Variants in NELL1 observed in about 807,000 individuals in gnomAD.
NELL1 encodes the protein protein kinase C-binding protein NELL1.
NELL1 carries 76 observed loss-of-function variants against 107.4 expected under a neutral mutation model. The observed-to-expected ratio is 0.71, with a 90% CI of 0.59 to 0.86. The LOEUF is 0.86. Among genes scored for constraint, NELL1 ranks in the 40% least tolerant of loss-of-function variants. NELL1 has a pLI of 0.00. For missense variants in NELL1, 1,024 were observed against 1,005.5 expected (o/e 1.02, Z -0.25); for synonymous variants, 353 against 341.2 (o/e 1.03, Z -0.38).
rs556827261 is a variant in NELL1 at position 20,794,065 on chromosome 11, T to C, written c.335+10235T>C. Among the ~76,000 whole-genome samples the C allele has an allele frequency of 6.8e-4, 103 of 152,358 alleles. No homozygotes were observed. The South Asian group carries it at 0.021, about 31-fold the overall frequency. ...GAGAGAAGTAGGTTAATGGCTCCTA[T>C]TGTAATTATGTAAGCATCGTAGGTA... On this transcript the variant is annotated intron_variant, in intron 3 of 19. Transcript: ENST00000357134.
rs59249772 is a variant in NELL1 at position 20,862,838 on chromosome 11, C to T, written c.506+15085C>T. On this transcript the variant is annotated intron_variant, in intron 4 of 19. Coordinates refer to ENST00000357134, the MANE Select transcript of NELL1 (RefSeq NM_006157.5). ...AGCATGCTGCCTTCAAGCATCTGTT[C>T]AACAAAGCACATCTTGCACCGCCCT... 2.3e-3 allele frequency among the ~76,000 whole-genome samples: 356 copies of T among 152,136 alleles called. 1 individual carries two copies. Among genetic ancestry groups the T allele is most frequent in the African/African-American group, 7.7e-3 (318 of 41,504 alleles).
At chr11:21,171,233 T>A (rs1856600366) in intron 13 of NELL1, among the ~76,000 whole-genome samples, 1 of 151,786 alleles carries the variant, frequency 6.6e-6, no homozygotes, top group Non-Finnish European at 1.5e-5. Context: ...AGCCCCATTG[T>A]TTTAGATATT....
chr11:21,551,850 C>A (rs557413875), intron 16 of NELL1, among the ~76,000 whole-genome samples: 15 of 150,604 alleles, frequency 1.0e-4, no homozygotes, highest in African/African-American at 3.4e-4. Context: ...ATGTTTATTG[C>A]GGCACTATTC....
At chr11:20,678,197 T>C in intron 2 of NELL1, 137 bp downstream of exon 2, 1 of 940,914 alleles carries the variant, frequency 1.1e-6, no homozygotes, top group Non-Finnish European at 1.7e-6. Flanking sequence ...TGTTTAGATA[T>C]GCAGGGGGTA....
chr11:20,872,491 T>A (rs1434463357), intron 4 of NELL1, among the ~76,000 whole-genome samples: 1 of 152,138 alleles, frequency 6.6e-6, no homozygotes, highest in Non-Finnish European at 1.5e-5. Context: ...CTGGCACCTA[T>A]AAGTCTGATT....
In NELL1 at chr11:20,921,690, G is replaced by A. The variant is rs1297736749; in HGVS notation, c.759+2356G>A. Among the ~76,000 whole-genome samples the A allele has an allele frequency of 4.0e-5, 6 of 151,800 alleles. No homozygotes were observed. The East Asian group carries it at 1.2e-3, about 29-fold the overall frequency. On this transcript the variant is annotated intron_variant, in intron 7 of 19. Transcript: ENST00000357134. ...GATCATTTTATTGAGCTGAACTAAA[G>A]TTTTCAGATCATACCTGTTTGGAAT... is the stretch of plus-strand genomic sequence containing the variant.
rs138993083 is a variant in NELL1 at position 21,463,199 on chromosome 11, C to T, written c.1646-71175C>T. On this transcript the variant is annotated intron_variant, in intron 15 of 19. Coordinates refer to ENST00000357134, the MANE Select transcript of NELL1 (RefSeq NM_006157.5). Reference sequence around the variant, plus strand: ...AAAAGAGGAAAATCTGTTCTCTTGTCTGGGTGATTGTTGGCTCCCACCTCC... The same window carrying T: ...AAAAGAGGAAAATCTGTTCTCTTGTTTGGGTGATTGTTGGCTCCCACCTCC... Among the ~76,000 whole-genome samples, 147 of 152,132 alleles carry T rather than the reference C, an allele frequency of 9.7e-4. 1 individual carries two copies. The East Asian group carries it at 0.028, about 29-fold the overall frequency.
chr11:21,147,834 C>T (rs562675734), intron 13 of NELL1, among the ~76,000 whole-genome samples: 1,040 of 34,046 alleles, frequency 0.031, 14 homozygotes, highest in African/African-American at 0.092. Context: ...GAAACTCCGT[C>T]TCAAAAAAAA....
At chr11:21,425,840 TA>T (rs1852807552) in intron 15 of NELL1, among the ~76,000 whole-genome samples, 1 of 152,194 alleles carries the variant, frequency 6.6e-6, no homozygotes, top group East Asian at 1.9e-4. Flanking sequence ...GCAGAGAATT[TA>T]AAAAGAAGTA....
At chr11:20,787,786 C>T (rs1449271408) in intron 3 of NELL1, among the ~76,000 whole-genome samples, 3 of 152,126 alleles carry the variant, frequency 2.0e-5, no homozygotes, top group Non-Finnish European at 2.9e-5. Flanking sequence ...ATTGTGCATT[C>T]ATCACCACAA....
chr11:21,523,006 G>A lies in NELL1; in HGVS notation c.1646-11368G>A, dbSNP rs373588519. On this transcript the variant is annotated intron_variant, in intron 15 of 19. Coordinates refer to ENST00000357134, the MANE Select transcript of NELL1 (RefSeq NM_006157.5). The stretch of plus-strand genomic sequence containing the variant: ...ACTACAGGCGCCCACCACCACGCCC[G>A]GCTGATTTTTTTGTATATTTTTAGT... 3.0e-4 allele frequency among the ~76,000 whole-genome samples: 46 copies of A among 150,956 alleles called. No homozygotes were observed. The South Asian group carries it at 6.3e-3, about 21-fold the overall frequency.
chr11:20,922,419 C>A (rs1590418901), intron 7 of NELL1, among the ~76,000 whole-genome samples: 1 of 151,790 alleles, frequency 6.6e-6, no homozygotes, highest in East Asian at 1.9e-4. Context: ...TGAAGTCCTT[C>A]AGGGTATGTA....
intron 14 of NELL1, among the ~76,000 whole-genome samples, chr11:21,244,511 A>T (rs1242421383): frequency 2.0e-5 from 3 of 152,184 alleles, no homozygotes; most frequent in Non-Finnish European, 4.4e-5. Context: ...ATAATTTAGA[A>T]TTTGGAATAA....
At chr11:20,752,167 C>CATT (rs35423828) in intron 2 of NELL1, among the ~76,000 whole-genome samples, 114,552 of 151,892 alleles carry the variant, frequency 0.75, 44,227 homozygotes, top group Middle Eastern at 0.9. Flanking sequence ...AATATTTCAT[C>CATT]AAGTCTGATG....
At chr11:20,697,167 A>G (rs1186446553) in intron 2 of NELL1, among the ~76,000 whole-genome samples, 1 of 152,168 alleles carries the variant, frequency 6.6e-6, no homozygotes, top group African/African-American at 2.4e-5. Flanking sequence ...TGGCACAGAT[A>G]TTTAAGTTGA....
chr11:21,052,121 T>G (rs1225622107), intron 12 of NELL1, among the ~76,000 whole-genome samples: 1 of 151,876 alleles, frequency 6.6e-6, no homozygotes. Flanking sequence ...TGTTTCAGGC[T>G]GAAGAAATAG....
At chr11:21,531,885 C>G (rs576081250) in intron 15 of NELL1, among the ~76,000 whole-genome samples, 1 of 152,210 alleles carries the variant, frequency 6.6e-6, no homozygotes, top group South Asian at 2.1e-4. Flanking sequence ...TGCTGAAAAG[C>G]CTCCAAGTGT....
At chr11:20,750,560 G>A (rs935235123) in intron 2 of NELL1, among the ~76,000 whole-genome samples, 20 of 76,512 alleles carry the variant, frequency 2.6e-4, no homozygotes, top group Admixed American at 6.3e-4. Context: ...AATGTACCTC[G>A]GAATTATTAT....
At chr11:21,458,586 A>G (rs992573837) in intron 15 of NELL1, among the ~76,000 whole-genome samples, 2 of 152,148 alleles carry the variant, frequency 1.3e-5, no homozygotes, top group African/African-American at 4.8e-5. Flanking sequence ...TGTTCTTGTA[A>G]TATATTTTGA....
Sources: allele counts gnomAD v4.1 joint callset (sites outside exome capture counted in the v4.1 genomes callset), GRCh38; gene constraint gnomAD v4.1.1; transcripts MANE v1.5; gene names NCBI Gene and HGNC (gene_info 2026-07-23, HGNC 2026-07-21).